Variants in PTPDC1 observed in about 807,000 individuals in gnomAD.
The protein encoded by PTPDC1 is protein tyrosine phosphatase domain-containing protein 1.
Under a neutral mutation model 75.3 loss-of-function variants are expected in PTPDC1, and 53 were observed. The ratio of observed to expected loss-of-function variants is 0.70; its 90% CI spans 0.56 to 0.88. The LOEUF is 0.88. Ranked by LOEUF, PTPDC1 falls within the 40% of genes least tolerant of loss-of-function variation. The pLI is 0.00. For synonymous variants in PTPDC1, 349 were observed against 366.2 expected (o/e 0.95, Z 0.54); for missense variants, 925 against 998.6 (o/e 0.93, Z 0.99).
chr9:94,035,805 G>A (rs1015957238), intron 1 of PTPDC1, among the ~76,000 whole-genome samples: 1 of 152,098 alleles, frequency 6.6e-6, no homozygotes, highest in Admixed American at 6.6e-5. Flanking sequence ...CAGGACACAA[G>A]GTTTCCCCTT....
intron 2 of PTPDC1, among the ~76,000 whole-genome samples, chr9:94,069,499 A>G (rs1826435426): frequency 1.3e-5 from 2 of 150,866 alleles, no homozygotes. Flanking sequence ...GAAAACCACA[A>G]GTTCACTTTG....
At chr9:94,102,512 A>G (rs1191615662) in intron 7 of PTPDC1, among the ~76,000 whole-genome samples, 1 of 152,166 alleles carries the variant, frequency 6.6e-6, no homozygotes, top group African/African-American at 2.4e-5. Flanking sequence ...TATATAATTT[A>G]TCATTTTTAT....
intron 1 of PTPDC1, among the ~76,000 whole-genome samples, chr9:94,059,986 C>T (rs1826078133): frequency 6.6e-6 from 1 of 152,046 alleles, no homozygotes; most frequent in Non-Finnish European, 1.5e-5. Flanking sequence ...GATGATTGTT[C>T]CACATCTGGG....
At chr9:94,043,544 T>A (rs2118415697) in intron 1 of PTPDC1, among the ~76,000 whole-genome samples, 1 of 151,868 alleles carries the variant, frequency 6.6e-6, no homozygotes, top group East Asian at 1.9e-4. Flanking sequence ...TGAAAATGAC[T>A]CCCCCCCTCT....
rs1449422420 is a variant in PTPDC1 at position 94,085,294 on chromosome 9, G to T, written c.288G>T (p.Glu96Asp). The change falls in exon 2 of 9, where the codon GAG becomes GAT. Residue 96 changes from glutamate to aspartate, a missense_variant. Transcript: ENST00000620992. ...CACCAAAGTACACAAAAGTAGGGGA[G>T]CGTTTACGGCATGTCATTCCTGGAC... Reference protein sequence around the residue: ...RPTPKYTKVGERLRHVIPGHM... With the variant: ...RPTPKYTKVGDRLRHVIPGHM... The T allele has an allele frequency of 6.2e-7, 1 of 1,614,076 alleles. No individual in the cohort carries two copies. Among genetic ancestry groups the T allele is most frequent in the East Asian group, 2.2e-5 (1 of 44,892 alleles).
upstream of PTPDC1, among the ~76,000 whole-genome samples, chr9:94,080,255 A>G (rs1030127755): frequency 3.1e-4 from 47 of 152,160 alleles, no homozygotes; most frequent in Admixed American, 9.2e-4. Context: ...GGCTTGGTCA[A>G]TTAGGTAAAT....
chr9:94,088,589 A>G (rs1349126542), intron 4 of PTPDC1, among the ~76,000 whole-genome samples: 1 of 152,186 alleles, frequency 6.6e-6, no homozygotes, highest in African/African-American at 2.4e-5. Flanking sequence ...TTACATATGA[A>G]GCCACACGGG....
intron 1 of PTPDC1, among the ~76,000 whole-genome samples, chr9:94,052,716 A>G (rs1407253639): frequency 6.6e-6 from 1 of 152,128 alleles, no homozygotes; most frequent in Non-Finnish European, 1.5e-5. Flanking sequence ...TTTTTGCCAT[A>G]TGGATTTTCA....
intron 2 of PTPDC1, among the ~76,000 whole-genome samples, chr9:94,065,997 T>C (rs757227359): frequency 1.2e-4 from 18 of 152,260 alleles, no homozygotes; most frequent in Non-Finnish European, 2.4e-4. Flanking sequence ...TTGTAAATGT[T>C]ACCTCTTAGT....
chr9:94,046,463 C>T (rs1400428829), intron 1 of PTPDC1, among the ~76,000 whole-genome samples: 2 of 152,124 alleles, frequency 1.3e-5, no homozygotes, highest in Non-Finnish European at 2.9e-5. Flanking sequence ...GATATTGATT[C>T]TTCCTACCTA....
At chr9:94,066,611 G>T (rs111555003) in intron 2 of PTPDC1, among the ~76,000 whole-genome samples, 1 of 151,940 alleles carries the variant, frequency 6.6e-6, no homozygotes, top group East Asian at 1.9e-4. Flanking sequence ...AGGCTGGAGG[G>T]CAGTGATGCA....
intron 1 of PTPDC1, among the ~76,000 whole-genome samples, chr9:94,058,929 T>C (rs958818315): frequency 1.3e-5 from 2 of 152,196 alleles, no homozygotes; most frequent in African/African-American, 4.8e-5. Flanking sequence ...AGGTAGAAGT[T>C]GCAGTGAGCC....
chr9:94,104,484 T>A (rs1827950080), intron 8 of PTPDC1, 99 bp downstream of exon 8: 2 of 689,022 alleles, frequency 2.9e-6, no homozygotes, highest in African/African-American at 3.5e-5. Context: ...AAATAAAACA[T>A]GTATGTGTAT....
chr9:94,079,029 C>T (rs957115739), intron 2 of PTPDC1, among the ~76,000 whole-genome samples: 2 of 152,138 alleles, frequency 1.3e-5, no homozygotes, highest in Non-Finnish European at 2.9e-5. Flanking sequence ...GTGTATAGGT[C>T]ATACTTTTTT....
In PTPDC1 at chr9:94,097,514, C is replaced by A; in HGVS notation, c.948C>A (p.Thr316=). 2 of 1,614,174 alleles carry A rather than the reference C, an allele frequency of 1.2e-6. No homozygotes were observed. The highest frequency in any genetic ancestry group is 1.7e-6 in the Non-Finnish European group (2 of 1,180,038). The stretch of plus-strand genomic sequence containing the variant: ...GTGATCCCAAAGCACATGCTGTCAC[C>A]TTACCTCAATATCTAATTCGCCAGC... ...SCCDPKAHAV[T]LPQYLIRQRH... Residue 316 remains threonine (T), a synonymous_variant, in exon 6 of 9, where the codon ACC becomes ACA. Transcript: ENST00000620992.
At chr9:94,058,381 T>C (rs73653404) in intron 1 of PTPDC1, among the ~76,000 whole-genome samples, 5,941 of 152,160 alleles carry the variant, frequency 0.039, 373 homozygotes, top group African/African-American at 0.13. Flanking sequence ...GTGTTGAAGA[T>C]ATATATTACT....
chr9:94,075,162 C>G (rs555131405), intron 2 of PTPDC1, among the ~76,000 whole-genome samples: 11 of 152,178 alleles, frequency 7.2e-5, no homozygotes, highest in Non-Finnish European at 1.6e-4. Flanking sequence ...AGGTCACCAC[C>G]ACCACCCAGC....
intron 1 of PTPDC1, among the ~76,000 whole-genome samples, 168 bp from the exon 2 acceptor site, chr9:94,085,083 G>T (rs1827022878): frequency 6.6e-6 from 1 of 152,180 alleles, no homozygotes; most frequent in Non-Finnish European, 1.5e-5. Flanking sequence ...TACATTAAGA[G>T]ATATATGTCA....
intron 1 of PTPDC1, among the ~76,000 whole-genome samples, chr9:94,063,793 T>G (rs1295771771): frequency 6.6e-6 from 1 of 152,166 alleles, no homozygotes; most frequent in African/African-American, 2.4e-5. Context: ...CATTGTAGAT[T>G]TATTGGTACA....
Sources: gnomAD v4.1 joint callset for allele counts (sites outside exome capture counted in the v4.1 genomes callset) on GRCh38, gnomAD v4.1.1 for gene constraint, MANE v1.5 for transcripts, NCBI Gene and HGNC (gene_info 2026-07-23, HGNC 2026-07-21) for gene names.